The following B4GALT1 variants were observed in gnomAD, a reference collection of about 807,000 sequenced individuals.
The protein encoded by B4GALT1 is beta-1,4-galactosyltransferase 1.
In B4GALT1, 16 loss-of-function variants were observed where a neutral mutation model predicts 34.9. The ratio of observed to expected loss-of-function variants is 0.46; its 90% confidence interval spans 0.31 to 0.70. The LOEUF (loss-of-function observed/expected upper bound fraction) is 0.70, where lower values mean the gene tolerates loss of function less well. Ranked by LOEUF, B4GALT1 falls within the 30% of genes least tolerant of loss-of-function variation. B4GALT1 has a pLI of 0.05. For missense variants in B4GALT1, 445 were observed against 530.5 expected (o/e 0.84, Z 1.58); for synonymous variants, 221 against 218.1 (o/e 1.01, Z -0.12).
chr9:33,151,276 A>G (rs1200475388), intron 1 of B4GALT1, among the ~76,000 whole-genome samples: 1 of 152,192 alleles, frequency 6.6e-6, no homozygotes, highest in African/African-American at 2.4e-5. Flanking sequence ...CTTCCCAGTA[A>G]AGCTGCAACT....
Position 33,111,955 on chromosome 9 carries a change from G to A in B4GALT1, c.*1499C>T, listed in dbSNP as rs41303661. 0.04 allele frequency: 6,083 copies of A among 152,752 alleles called. 157 individuals are homozygous for A. Among genetic ancestry groups the A allele is most frequent in the Non-Finnish European group, 0.061 (4,173 of 68,048 alleles). 9.5% of individuals were successfully genotyped at this position (152,752 alleles called of 1,614,324 possible). ...TGGGAGGGAGTTGGGGTGTGGGTTC[G>A]GCTGAACTTCTTTCTAGATCACTAA... On this transcript the variant is annotated 3_prime_UTR_variant, in exon 6 of 6. Transcript: ENST00000379731.
chr9:33,145,634 G>T (rs958301426), intron 1 of B4GALT1, among the ~76,000 whole-genome samples: 2 of 134,622 alleles, frequency 1.5e-5, no homozygotes, highest in African/African-American at 5.8e-5. Flanking sequence ...AGAAACTGAA[G>T]GCCATACAGG....
chr9:33,167,984 G>T (rs867470615), upstream of B4GALT1, among the ~76,000 whole-genome samples: 2 of 152,216 alleles, frequency 1.3e-5, no homozygotes, highest in Non-Finnish European at 2.9e-5. Context: ...GCTATAAGGG[G>T]CTCTCAGACC....
intron 1 of B4GALT1, among the ~76,000 whole-genome samples, chr9:33,150,622 G>A (rs1307704596): frequency 6.6e-6 from 1 of 152,064 alleles, no homozygotes; most frequent in Non-Finnish European, 1.5e-5. Flanking sequence ...GATTTTTTTG[G>A]GGTGATGGAA....
chr9:33,138,105 C>G (rs1326937303), intron 1 of B4GALT1, among the ~76,000 whole-genome samples: 1 of 152,240 alleles, frequency 6.6e-6, no homozygotes, highest in Non-Finnish European at 1.5e-5. Context: ...ACCCAGAAAA[C>G]AGGAATTCAC....
At chr9:33,148,409 G>C (rs1840460194) in intron 1 of B4GALT1, among the ~76,000 whole-genome samples, 1 of 152,222 alleles carries the variant, frequency 6.6e-6, no homozygotes, top group South Asian at 2.1e-4. Flanking sequence ...AACTGAGGCA[G>C]CCATTCTGGA....
intron 1 of B4GALT1, among the ~76,000 whole-genome samples, chr9:33,158,477 T>A (rs1840629552): frequency 6.6e-6 from 1 of 152,220 alleles, no homozygotes; most frequent in Admixed American, 6.5e-5. Context: ...CAGCTCACTC[T>A]GCCTCCATTT....
chr9:33,177,986 CTTTTTTT>C, the B4GALT1 span, among the ~76,000 whole-genome samples: 1 of 107,474 alleles, frequency 9.3e-6, no homozygotes, highest in Non-Finnish European at 1.8e-5. Flanking sequence ...AAACAGAAGA[CTTTTTTT>C]TTTTTTTTTT....
chr9:33,165,730 T>A (rs1242744428), intron 1 of B4GALT1, among the ~76,000 whole-genome samples: 1 of 152,180 alleles, frequency 6.6e-6, no homozygotes, highest in Non-Finnish European at 1.5e-5. Context: ...AAACCACCTG[T>A]GTGGTAACCC....
chr9:33,107,711 G>A (rs891774206), downstream of B4GALT1, among the ~76,000 whole-genome samples: 12 of 152,138 alleles, frequency 7.9e-5, no homozygotes, highest in East Asian at 1.9e-4. Flanking sequence ...AGCATTTCTT[G>A]AGGAAATGGC....
rs374743985 is a variant in B4GALT1 at position 33,154,481 on chromosome 9, C to T, written c.412+12277G>A. ...TTTAACATTGTACTGGAGGTTCTAA[C>T]GGGGCATTTAGGCAAGAAAAAGAGC... is the stretch of plus-strand genomic sequence containing the variant. On this transcript the variant is annotated intron_variant, in intron 1 of 5. Coordinates refer to ENST00000379731, the MANE Select transcript of B4GALT1 (RefSeq NM_001497.4). Among the ~76,000 whole-genome samples, 12 of 152,222 alleles carry T rather than the reference C, an allele frequency of 7.9e-5. No individual in the cohort carries two copies. The East Asian group carries it at 1.4e-3, about 17-fold the overall frequency.
the B4GALT1 span, among the ~76,000 whole-genome samples, chr9:33,181,360 G>A: frequency 6.6e-6 from 1 of 151,250 alleles, no homozygotes; most frequent in Non-Finnish European, 1.5e-5. Context: ...GGAGGTTGAG[G>A]TGGCAGTGAG....
At chr9:33,152,287 G>A (rs1840527947) in intron 1 of B4GALT1, among the ~76,000 whole-genome samples, 1 of 151,408 alleles carries the variant, frequency 6.6e-6, no homozygotes, top group Non-Finnish European at 1.5e-5. Context: ...CTGGGCGACA[G>A]AGCAAGACTC....
the B4GALT1 span, among the ~76,000 whole-genome samples, chr9:33,183,688 C>G: frequency 6.8e-6 from 1 of 147,552 alleles, no homozygotes; most frequent in Non-Finnish European, 1.5e-5. Context: ...TGCTAGATGA[C>G]AAGTTAGTGG....
At chr9:33,135,565 C>T in intron 1 of B4GALT1, 141 bp from the exon 2 acceptor site, 2 of 799,474 alleles carry the variant, frequency 2.5e-6, no homozygotes, top group South Asian at 1.5e-5. Flanking sequence ...CGGAGAGGGC[C>T]CTCCTGCCCA....
chr9:33,153,294 C>CA (rs1354538287), intron 1 of B4GALT1, among the ~76,000 whole-genome samples: 1 of 152,048 alleles, frequency 6.6e-6, no homozygotes, highest in Non-Finnish European at 1.5e-5. Flanking sequence ...CTTTAAATCT[C>CA]AAATCAGTAA....
chr9:33,145,601 T>C (rs1840413729), intron 1 of B4GALT1, among the ~76,000 whole-genome samples: 2 of 152,286 alleles, frequency 1.3e-5, no homozygotes, highest in African/African-American at 4.8e-5. Context: ...GAATTATGTG[T>C]TGGCCCCATG....
the B4GALT1 span, among the ~76,000 whole-genome samples, chr9:33,174,980 AAAAAAAAAAAATATATATAT>A: frequency 2.0e-4 from 4 of 19,910 alleles, no homozygotes; most frequent in South Asian, 3.3e-3. Context: ...AAAAAAAAAA[AAAAAAAAAAAATATATATAT>A]ATATATATAT....
chr9:33,134,482 CAAAT>C (rs1840238446), intron 2 of B4GALT1, among the ~76,000 whole-genome samples: 1 of 152,184 alleles, frequency 6.6e-6, no homozygotes, highest in Non-Finnish European at 1.5e-5. Context: ...TAATGCTCCT[CAAAT>C]AAACTGAAAA....
Sources: gnomAD v4.1 joint callset for allele counts (sites outside exome capture counted in the v4.1 genomes callset) on GRCh38, gnomAD v4.1.1 for gene constraint, MANE v1.5 for transcripts, NCBI Gene and HGNC (gene_info 2026-07-23, HGNC 2026-07-21) for gene names.